CAMTA1: variants seen among roughly 807,000 people sequenced by gnomAD.
CAMTA1 encodes calmodulin binding transcription activator 1.
CAMTA1 carries 27 observed loss-of-function variants against 170.9 expected under a neutral mutation model. The observed-to-expected ratio is 0.16, with a 90% CI of 0.12 to 0.22. The LOEUF is 0.22. Ranked by LOEUF, CAMTA1 falls within the 10% of genes least tolerant of loss-of-function variation. The pLI, the probability that CAMTA1 is intolerant of heterozygous loss-of-function variation, is 1.00. For synonymous variants in CAMTA1, 833 were observed against 891.5 expected (o/e 0.93, Z 1.17); for missense variants, 1,619 against 2,217.2 (o/e 0.73, Z 5.42).
chr1:7,582,789 G>A (rs2095272425), intron 6 of CAMTA1, among the ~76,000 whole-genome samples: 1 of 151,840 alleles, frequency 6.6e-6, no homozygotes, highest in South Asian at 2.1e-4. Flanking sequence ...AGGGAGCTGG[G>A]AAGTGTCACA....
intron 3 of CAMTA1, among the ~76,000 whole-genome samples, chr1:7,073,265 G>T (rs1199308844): frequency 1.3e-5 from 2 of 152,128 alleles, no homozygotes; most frequent in Non-Finnish European, 2.9e-5. Flanking sequence ...TGTGAGTGTG[G>T]GTGTGATGGT....
rs952885655 is a variant in CAMTA1, at chr1:6,934,551, C to G, written c.234+109341C>G. ...CTTGGCCACTGTGGACCCGCTTGGG[C>G]TAGCTGCGTGTCTCTGTGTGTTGCT... On this transcript the variant is annotated intron_variant, in intron 3 of 22. Transcript: ENST00000303635. The surrounding 1 kb of genome is among the most constrained non-coding windows in gnomAD (Gnocchi z 4.5). 6.6e-6 allele frequency among the ~76,000 whole-genome samples: 1 copy of G among 152,330 alleles called. No individual in the cohort carries two copies. Among genetic ancestry groups the G allele is most frequent in the East Asian group, 1.9e-4 (1 of 5,192 alleles).
intron 3 of CAMTA1, among the ~76,000 whole-genome samples, chr1:6,842,618 G>C (rs775240018): frequency 3.3e-5 from 5 of 152,182 alleles, no homozygotes; most frequent in Admixed American, 6.5e-5. Context: ...TAAACAAATT[G>C]TGGTTAAAAG....
chr1:7,258,616 GA>G, intron 5 of CAMTA1, among the ~76,000 whole-genome samples: 1 of 152,292 alleles, frequency 6.6e-6, no homozygotes, highest in South Asian at 2.1e-4. Context: ...GCAGGCATTG[GA>G]AGACCATAAT....
intron 5 of CAMTA1, among the ~76,000 whole-genome samples, chr1:7,379,463 G>A (rs567953423): frequency 1.3e-5 from 2 of 152,282 alleles, no homozygotes; most frequent in South Asian, 2.1e-4. Flanking sequence ...ATTTCCTTCG[G>A]GAAGTTTCTT....
intron 4 of CAMTA1, among the ~76,000 whole-genome samples, chr1:7,245,914 C>T (rs1193114431): frequency 1.3e-5 from 2 of 152,166 alleles, no homozygotes; most frequent in Non-Finnish European, 2.9e-5. Context: ...CTGCAAGTCA[C>T]CACTGTGGGA....
intron 1 of CAMTA1, among the ~76,000 whole-genome samples, chr1:6,807,370 T>G (rs2148295935): frequency 6.6e-6 from 1 of 152,350 alleles, no homozygotes; most frequent in East Asian, 1.9e-4. Flanking sequence ...TCACATACTG[T>G]TTTTTAAATT....
At chr1:7,516,115 G>A (rs570725593) in intron 6 of CAMTA1, among the ~76,000 whole-genome samples, 1 of 152,224 alleles carries the variant, frequency 6.6e-6, no homozygotes, top group Non-Finnish European at 1.5e-5. Context: ...CTCCCAGCCG[G>A]CTGGGGAACG....
chr1:7,043,796 C>T (rs373231055), intron 3 of CAMTA1, among the ~76,000 whole-genome samples: 16 of 152,276 alleles, frequency 1.1e-4, no homozygotes, highest in African/African-American at 3.8e-4. Flanking sequence ...TTGCATTTAG[C>T]AAATACTCGG....
intron 4 of CAMTA1, among the ~76,000 whole-genome samples, chr1:7,159,413 A>G (rs962994594): frequency 3.9e-5 from 6 of 152,062 alleles, no homozygotes; most frequent in Non-Finnish European, 7.4e-5. Context: ...CAGCCCAAAC[A>G]GAAGACAGGA....
chr1:6,819,152 G>A (rs1360497354), intron 1 of CAMTA1, among the ~76,000 whole-genome samples: 2 of 152,064 alleles, frequency 1.3e-5, no homozygotes, highest in Admixed American at 1.3e-4. Flanking sequence ...GGTGGTTGTT[G>A]AACTTGTAAA....
chr1:6,818,058 C>A (rs1351001850), intron 1 of CAMTA1, among the ~76,000 whole-genome samples: 2 of 152,126 alleles, frequency 1.3e-5, no homozygotes, highest in African/African-American at 4.8e-5. Context: ...ATAAAAAACT[C>A]AGGCGCGGTG....
At chr1:7,452,712 C>T (rs965609546) in intron 5 of CAMTA1, among the ~76,000 whole-genome samples, 1 of 152,204 alleles carries the variant, frequency 6.6e-6, no homozygotes, top group African/African-American at 2.4e-5. Context: ...GTTCCCCTCT[C>T]GGGGTGGATA....
chr1:7,631,567 G>A (rs1162971516), intron 6 of CAMTA1, among the ~76,000 whole-genome samples: 2 of 152,190 alleles, frequency 1.3e-5, no homozygotes, highest in East Asian at 3.9e-4. Context: ...ATGTGCTGTG[G>A]GTCCAGGCAT....
At chr1:7,211,745 C>A (rs1037048574) in intron 4 of CAMTA1, among the ~76,000 whole-genome samples, 2 of 152,142 alleles carry the variant, frequency 1.3e-5, no homozygotes, top group African/African-American at 4.8e-5. Context: ...GTGTGCCTTG[C>A]GAGTGGTATG....
chr1:6,856,714 G>A (rs551406055), intron 3 of CAMTA1, among the ~76,000 whole-genome samples: 103 of 152,334 alleles, frequency 6.8e-4, no homozygotes, highest in African/African-American at 2.5e-3. Context: ...AATACAGGCT[G>A]CTACAAGAGA....
At position 7,547,376 on chromosome 1, in the gene CAMTA1, A is replaced by T. The variant is rs1403465769; in HGVS notation, c.510+79475A>T. Among the ~76,000 whole-genome samples the T allele has an allele frequency of 6.6e-6, 1 of 151,468 alleles. No individual in the cohort carries two copies. The highest frequency in any genetic ancestry group is 2.4e-5 in the African/African-American group (1 of 41,312). On this transcript the variant is annotated intron_variant, in intron 6 of 22. Transcript: ENST00000303635. The surrounding 1 kb of genome is among the most constrained non-coding windows in gnomAD (Gnocchi z 5.7). ...CACACACACACACACACACACACAC[A>T]CACACACACACACAGAGTTGGCCTT...
intron 5 of CAMTA1, among the ~76,000 whole-genome samples, chr1:7,421,379 C>T (rs1376626327): frequency 2.0e-5 from 3 of 152,166 alleles, no homozygotes; most frequent in Non-Finnish European, 4.4e-5. Context: ...GTCTTGAACT[C>T]CTGACCTCAG....
chr1:6,886,099 C>T, intron 3 of CAMTA1: 3 of 392,988 alleles, frequency 7.6e-6, no homozygotes, highest in Middle Eastern at 3.6e-4. Flanking sequence ...TTTTGTTTTC[C>T]TTGAGCCCAC....
Sources: allele counts gnomAD v4.1 joint callset (sites outside exome capture counted in the v4.1 genomes callset), GRCh38; gene constraint gnomAD v4.1.1; non-coding constraint Gnocchi (gnomAD v3.1); transcripts MANE v1.5; gene names NCBI Gene and HGNC (gene_info 2026-07-23, HGNC 2026-07-21).